Variants in TRHDE observed in about 807,000 individuals in gnomAD.
TRHDE encodes the protein thyrotropin releasing hormone degrading enzyme, also known as thyrotropin-releasing hormone-degrading ectoenzyme.
Under a neutral mutation model 125.7 loss-of-function variants are expected in TRHDE, and 72 were observed. The ratio of observed to expected loss-of-function variants is 0.57; its 90% confidence interval spans 0.47 to 0.70. The LOEUF (loss-of-function observed/expected upper bound fraction) is 0.70, where lower values mean the gene tolerates loss of function less well. TRHDE is among the 30% of genes least tolerant of loss of function. TRHDE has a pLI of 0.00. For missense variants in TRHDE, 1,110 were observed against 1,327.1 expected, an observed-to-expected ratio of 0.84 and a Z score of 2.54; for synonymous variants, 509 against 509.1, an observed-to-expected ratio of 1.00 and a Z score of 0.00.
intron 15 of TRHDE, among the ~76,000 whole-genome samples, chr12:72,638,574 T>C (rs1873875601): frequency 6.6e-6 from 1 of 152,130 alleles, no homozygotes; most frequent in Admixed American, 6.5e-5. Context: ...TTTTGCTTAT[T>C]AGTTGATGCA....
chr12:72,146,247 T>C (rs1464171693), intron 2 of TRHDE, among the ~76,000 whole-genome samples: 2 of 152,228 alleles, frequency 1.3e-5, no homozygotes, highest in African/African-American at 4.8e-5. Flanking sequence ...ATGTGTTCAG[T>C]TGTCATCCTT....
chr12:72,423,413 A>G (rs1874046304), intron 3 of TRHDE, among the ~76,000 whole-genome samples: 2 of 152,150 alleles, frequency 1.3e-5, no homozygotes. Context: ...TTCTCTCAAG[A>G]CCACCAGTCA....
At chr12:72,484,365 A>G (rs570295629) in intron 5 of TRHDE, among the ~76,000 whole-genome samples, 22 of 152,162 alleles carry the variant, frequency 1.4e-4, no homozygotes, top group African/African-American at 5.3e-4. Context: ...AGGAAGTATT[A>G]TCTCTTAGAA....
chr12:72,411,703 A>G (rs1040266629), intron 3 of TRHDE, among the ~76,000 whole-genome samples: 3 of 152,152 alleles, frequency 2.0e-5, no homozygotes, highest in African/African-American at 7.2e-5. Flanking sequence ...TTAAAGGAAT[A>G]TAAGATGGGA....
At chr12:72,227,473 G>A (rs544989895) in intron 2 of TRHDE, among the ~76,000 whole-genome samples, 1 of 152,098 alleles carries the variant, frequency 6.6e-6, no homozygotes, top group East Asian at 1.9e-4. Flanking sequence ...AACTCCAACT[G>A]GGTCCCTCCC....
intron 15 of TRHDE, among the ~76,000 whole-genome samples, chr12:72,635,321 T>C (rs1261708404): frequency 6.6e-6 from 1 of 152,260 alleles, no homozygotes; most frequent in African/African-American, 2.4e-5. Context: ...TGTCTGTTCA[T>C]GTCCTTTGCC....
At chr12:72,241,875 C>A (rs1054525776) in intron 2 of TRHDE, among the ~76,000 whole-genome samples, 1 of 152,068 alleles carries the variant, frequency 6.6e-6, no homozygotes, top group Non-Finnish European at 1.5e-5. Context: ...GTACTGGTCT[C>A]TTGTCATGGT....
intron 2 of TRHDE, among the ~76,000 whole-genome samples, chr12:72,109,473 G>A (rs1349559574): frequency 6.6e-6 from 1 of 152,020 alleles, no homozygotes; most frequent in Non-Finnish European, 1.5e-5. Flanking sequence ...CACATAATAA[G>A]TAAGAAATTC....
chr12:72,270,443 G>C (rs763998988), upstream of TRHDE, among the ~76,000 whole-genome samples: 2 of 151,354 alleles, frequency 1.3e-5, no homozygotes, highest in African/African-American at 2.4e-5. Flanking sequence ...ATCAAGCTAA[G>C]GTTAATGTGT....
chr12:72,611,219 G>T, intron 12 of TRHDE: 1 of 197,398 alleles, frequency 5.1e-6, no homozygotes, highest in Non-Finnish European at 1.2e-5. Context: ...AAATTCTTCA[G>T]TGTTATCACC....
chr12:72,659,315 T>G (rs1226100933), intron 18 of TRHDE, among the ~76,000 whole-genome samples: 2 of 152,164 alleles, frequency 1.3e-5, no homozygotes, highest in East Asian at 1.9e-4. Flanking sequence ...TTATTTAATT[T>G]TAAACTAATG....
At chr12:72,345,278 T>G (rs1455628387) in intron 2 of TRHDE, among the ~76,000 whole-genome samples, 1 of 152,066 alleles carries the variant, frequency 6.6e-6, no homozygotes, top group African/African-American at 2.4e-5. Flanking sequence ...GAAGAAAAAA[T>G]AAATCCAGCC....
At chr12:72,193,750 T>A (rs1877383489) in intron 2 of TRHDE, among the ~76,000 whole-genome samples, 1 of 152,140 alleles carries the variant, frequency 6.6e-6, no homozygotes, top group South Asian at 2.1e-4. Flanking sequence ...CACAGTATGG[T>A]GGAGTTTAAA....
At chr12:72,129,751 A>G (rs573256071) in intron 2 of TRHDE, among the ~76,000 whole-genome samples, 1 of 152,336 alleles carries the variant, frequency 6.6e-6, no homozygotes, top group South Asian at 2.1e-4. Flanking sequence ...CAGATAAAAT[A>G]ATTATTTCAT....
chr12:72,446,128 G>T (rs1875267022), intron 3 of TRHDE, among the ~76,000 whole-genome samples: 1 of 150,518 alleles, frequency 6.6e-6, no homozygotes, highest in Admixed American at 6.7e-5. Context: ...TTCAGTGATG[G>T]GTGGGGCCCG....
rs1239746808 is a variant in TRHDE, at chr12:72,562,422, TA to T, written c.1854+193del. Reference sequence around the variant, plus strand: ...GGGTTTAAAACTAAACTACAAATGGTAGTAAATGATACCTCACCTACTTTCA... The same window carrying T: ...GGGTTTAAAACTAAACTACAAATGGTGTAAATGATACCTCACCTACTTTCA... On this transcript the variant is annotated intron_variant, in intron 8 of 18. Coordinates refer to ENST00000261180, the MANE Select transcript of TRHDE (RefSeq NM_013381.3). Among the ~76,000 whole-genome samples the T allele has an allele frequency of 6.6e-5, 10 of 152,088 alleles. No homozygotes were observed. The South Asian group carries it at 2.1e-3, about 32-fold the overall frequency.
At chr12:72,492,084 G>C (rs1018610198) in intron 5 of TRHDE, among the ~76,000 whole-genome samples, 2 of 151,876 alleles carry the variant, frequency 1.3e-5, no homozygotes, top group Non-Finnish European at 2.9e-5. Flanking sequence ...CACAAGATTG[G>C]CTTTAGTATA....
rs756258701 is a variant in TRHDE, at chr12:72,273,501, C to G, written c.858C>G (p.Ile286Met). 3 of 1,610,784 alleles carry G rather than the reference C, an allele frequency of 1.9e-6. No homozygotes were observed. Among genetic ancestry groups the G allele is most frequent in the Admixed American group, 1.7e-5 (1 of 60,028 alleles). The change falls in exon 1 of 19, where the codon ATC becomes ATG. Residue 286 changes from isoleucine (I) to methionine (M), a missense_variant. Ile to Met is a conservative substitution (Grantham distance 10). Around this residue, in one of 5 missense-constraint regions of TRHDE, gnomAD observed 252 missense variants for 274.8 expected, o/e 0.92. Transcript: ENST00000261180. This position sits in a 1 kb window ranked among gnomAD's most constrained non-coding sequence, Gnocchi z 5.3. Reference protein sequence around the residue: ...YNLKIIYNALIENELLGFFRS... With the variant: ...YNLKIIYNALMENELLGFFRS... ...TGAAGATTATCTACAACGCGCTCAT[C>G]GAGAATGAGCTCCTGGGCTTCTTCC...
At position 72,358,599 on chromosome 12, in the gene TRHDE, C is replaced by T. The variant is rs1047211145; in HGVS notation, c.1189-19396C>T. Among the ~76,000 whole-genome samples, 14 of 151,168 alleles carry T rather than the reference C, an allele frequency of 9.3e-5. No homozygotes were observed. The East Asian group carries it at 9.8e-4, about 11-fold the overall frequency. On this transcript the variant is annotated intron_variant, in intron 2 of 18. Transcript: ENST00000261180. Reference sequence around the variant, plus strand: ...TTGCGTGGGGTCAGCGCCTCTAACCCGCACATTGTTCAAGGATCAACTGTA... The same window carrying T: ...TTGCGTGGGGTCAGCGCCTCTAACCTGCACATTGTTCAAGGATCAACTGTA...
Sources: gnomAD v4.1 joint callset for allele counts (sites outside exome capture counted in the v4.1 genomes callset) on GRCh38, gnomAD v4.1.1 for gene constraint, gnomAD v4.1.1 regional missense constraint, Gnocchi (gnomAD v3.1) non-coding constraint, MANE v1.5 for transcripts, NCBI Gene and HGNC (gene_info 2026-07-23, HGNC 2026-07-21) for gene names.